EDIL3: variants seen among roughly 807,000 people sequenced by gnomAD.
EDIL3 encodes the protein EGF like and discoidin domains 3, also known as EGF-like repeat and discoidin I-like domain-containing protein 3.
In EDIL3, 37 loss-of-function variants were observed where a neutral mutation model predicts 67.4. That is an observed-to-expected ratio of 0.55 (90% CI 0.42 to 0.72). EDIL3 has a LOEUF of 0.72. Among genes scored for constraint, EDIL3 ranks in the 30% least tolerant of loss-of-function variants. The pLI, the probability that EDIL3 is intolerant of heterozygous loss-of-function variation, is 0.00. For missense variants in EDIL3, 527 were observed against 586.3 expected (o/e 0.90, Z 1.04); for synonymous variants, 195 against 196.3 (o/e 0.99, Z 0.05).
intron 3 of EDIL3, among the ~76,000 whole-genome samples, chr5:84,190,668 T>C (rs1743567672): frequency 6.6e-6 from 1 of 151,394 alleles, no homozygotes. Flanking sequence ...TCACATAGTG[T>C]CTCTAAGCAA....
At chr5:84,213,199 T>C (rs1744163819) in intron 3 of EDIL3, among the ~76,000 whole-genome samples, 1 of 152,086 alleles carries the variant, frequency 6.6e-6, no homozygotes, top group Non-Finnish European at 1.5e-5. Flanking sequence ...TGGTTTTTTT[T>C]TTTTGACGAT....
At chr5:83,992,000 C>T (rs1745158798) in intron 9 of EDIL3, among the ~76,000 whole-genome samples, 1 of 152,156 alleles carries the variant, frequency 6.6e-6, no homozygotes, top group Non-Finnish European at 1.5e-5. Context: ...TCAGTATGTG[C>T]TGCACATACT....
intron 9 of EDIL3, chr5:84,047,691 T>C (rs2301087): frequency 6.6e-6 from 1 of 152,062 alleles, no homozygotes; most frequent in Non-Finnish European, 1.5e-5. Flanking sequence ...CTGATCTTTT[T>C]TTGTAGTATC....
intron 2 of EDIL3, among the ~76,000 whole-genome samples, chr5:84,240,489 C>A (rs1395655302): frequency 1.3e-5 from 2 of 152,132 alleles, no homozygotes; most frequent in East Asian, 1.9e-4. Context: ...GTTAGAAACC[C>A]GGCTGCACAA....
At chr5:84,264,098 T>C (rs936623997) in intron 1 of EDIL3, among the ~76,000 whole-genome samples, 7 of 151,992 alleles carry the variant, frequency 4.6e-5, no homozygotes, top group Non-Finnish European at 1.0e-4. Context: ...ATGCAAAAAT[T>C]AGCTGGGCAT....
intron 1 of EDIL3, among the ~76,000 whole-genome samples, chr5:84,370,162 G>C (rs1361091339): frequency 6.6e-6 from 1 of 152,098 alleles, no homozygotes; most frequent in Admixed American, 6.6e-5. Flanking sequence ...AATTACCAGG[G>C]TCTCAAACAT....
At chr5:84,187,673 T>C (rs1158408791) in intron 3 of EDIL3, among the ~76,000 whole-genome samples, 1 of 152,098 alleles carries the variant, frequency 6.6e-6, no homozygotes, top group Non-Finnish European at 1.5e-5. Flanking sequence ...ATCTTCAGTG[T>C]TGCCTTTACA....
chr5:84,132,343 A>G (rs1219223000), intron 5 of EDIL3, among the ~76,000 whole-genome samples: 1 of 56,038 alleles, frequency 1.8e-5, no homozygotes, highest in Non-Finnish European at 3.3e-5. Context: ...TATATTATAT[A>G]TATTTTATAC....
At chr5:84,169,553 T>A (rs948788898) in intron 4 of EDIL3, among the ~76,000 whole-genome samples, 2 of 151,476 alleles carry the variant, frequency 1.3e-5, no homozygotes, top group Non-Finnish European at 2.9e-5. Context: ...CTTCCCTCTG[T>A]CCCTAACATC....
chr5:84,002,550 A>G (rs1745349118), intron 9 of EDIL3, among the ~76,000 whole-genome samples: 1 of 152,262 alleles, frequency 6.6e-6, no homozygotes, highest in Admixed American at 6.5e-5. Flanking sequence ...GACTCCACCA[A>G]AAAGCTATTA....
intron 1 of EDIL3, among the ~76,000 whole-genome samples, chr5:84,371,458 GAGAGAGAGAGAGAGAGAGAA>G (rs1747853318): frequency 7.5e-6 from 1 of 132,470 alleles, no homozygotes; most frequent in Non-Finnish European, 1.6e-5. Flanking sequence ...TATAGAGAGA[GAGAGAGAGAGAGAGAGAGAA>G]AGAGAGAGAG....
chr5:84,078,819 T>TAC (rs1422076733), intron 6 of EDIL3: 4 of 152,200 alleles, frequency 2.6e-5, no homozygotes, highest in Non-Finnish European at 4.4e-5. Flanking sequence ...GAATGTTGAA[T>TAC]ACAGAGGTCC....
intron 1 of EDIL3, among the ~76,000 whole-genome samples, chr5:84,356,943 T>A (rs1347018509): frequency 6.7e-6 from 1 of 148,430 alleles, no homozygotes; most frequent in Non-Finnish European, 1.5e-5. Context: ...CTTTTCTTTT[T>A]TTTTTAAACA....
At chr5:84,094,921 A>G (rs1747237903) in intron 6 of EDIL3, among the ~76,000 whole-genome samples, 1 of 152,166 alleles carries the variant, frequency 6.6e-6, no homozygotes, top group South Asian at 2.1e-4. Flanking sequence ...CTTACTTGTG[A>G]GTTGCTGCCA....
chr5:84,070,692 G>T (rs1268179733), intron 6 of EDIL3, among the ~76,000 whole-genome samples: 1 of 150,456 alleles, frequency 6.6e-6, no homozygotes, highest in East Asian at 2.0e-4. Context: ...GGGATTAATG[G>T]GTTCTTGACA....
At chr5:84,100,588 G>A (rs577640735) in intron 6 of EDIL3, among the ~76,000 whole-genome samples, 1 of 152,162 alleles carries the variant, frequency 6.6e-6, no homozygotes, top group East Asian at 1.9e-4. Flanking sequence ...GGGCAGCTAG[G>A]GGAGGGATCG....
intron 1 of EDIL3, among the ~76,000 whole-genome samples, chr5:84,296,957 C>T (rs985965951): frequency 3.4e-4 from 52 of 151,974 alleles, no homozygotes; most frequent in African/African-American, 9.9e-4. Flanking sequence ...CTGAGACGGG[C>T]GGATCACGAG....
chr5:84,070,132 C>T (rs149439222), intron 6 of EDIL3, among the ~76,000 whole-genome samples: 1 of 152,162 alleles, frequency 6.6e-6, no homozygotes, highest in Non-Finnish European at 1.5e-5. Flanking sequence ...TCCCCATCCA[C>T]CTCACTGAGA....
chr5:84,355,430 T>A (rs1747460133), intron 1 of EDIL3, among the ~76,000 whole-genome samples: 1 of 152,084 alleles, frequency 6.6e-6, no homozygotes, highest in South Asian at 2.1e-4. Context: ...GGTTACAACA[T>A]GCTCCTTTAG....
Sources: gnomAD v4.1 joint callset for allele counts (sites outside exome capture counted in the v4.1 genomes callset) on GRCh38, gnomAD v4.1.1 for gene constraint, MANE v1.5 for transcripts, NCBI Gene and HGNC (gene_info 2026-07-23, HGNC 2026-07-21) for gene names.